CNTNAP2: variants seen among roughly 807,000 people sequenced by gnomAD.
CNTNAP2 encodes contactin associated protein 2.
Under a neutral mutation model 155.2 loss-of-function variants are expected in CNTNAP2, and 98 were observed. The ratio of observed to expected loss-of-function variants is 0.63; its 90% confidence interval spans 0.54 to 0.75. The LOEUF (loss-of-function observed/expected upper bound fraction) is 0.75, where lower values mean the gene tolerates loss of function less well. CNTNAP2 is among the 30% of genes least tolerant of loss of function. CNTNAP2 has a pLI of 0.00. For missense variants in CNTNAP2, 1,727 were observed against 1,688.1 expected (o/e 1.02, Z -0.40); for synonymous variants, 651 against 631.2 (o/e 1.03, Z -0.47).
chr7:146,165,803 T>C (rs1798303785), intron 1 of CNTNAP2, among the ~76,000 whole-genome samples: 1 of 152,296 alleles, frequency 6.6e-6, no homozygotes, highest in African/African-American at 2.4e-5. Context: ...AATATTTTCT[T>C]TTTGGACCTA....
chr7:146,503,314 A>G (rs1194446383), intron 1 of CNTNAP2, among the ~76,000 whole-genome samples: 3 of 152,212 alleles, frequency 2.0e-5, no homozygotes, highest in Admixed American at 6.5e-5. Flanking sequence ...TATGGGCCAC[A>G]TGCAGCTCAG....
intron 11 of CNTNAP2, among the ~76,000 whole-genome samples, chr7:147,486,889 C>CTGTGTGTGTGTGTGTGTGTGTGTGTGTG (rs10544219): frequency 6.8e-6 from 1 of 146,842 alleles, no homozygotes; most frequent in South Asian, 2.2e-4. Flanking sequence ...ACGTATGTGC[C>CTGTGTGTGTGTGTGTGTGTGTGTGTGTG]TGTGTGTGTG....
chr7:146,923,760 A>G (rs907058488), intron 3 of CNTNAP2, among the ~76,000 whole-genome samples: 3 of 152,134 alleles, frequency 2.0e-5, no homozygotes, highest in African/African-American at 7.2e-5. Context: ...CTCTAATTTG[A>G]TCAAGATCTC....
intron 13 of CNTNAP2, among the ~76,000 whole-genome samples, chr7:147,841,931 T>C (rs1047698517): frequency 6.6e-5 from 10 of 151,800 alleles, no homozygotes; most frequent in African/African-American, 2.2e-4. Context: ...TAAAATATGA[T>C]ACATTTAACA....
intron 12 of CNTNAP2, among the ~76,000 whole-genome samples, chr7:147,567,763 A>G (rs577377296): frequency 6.6e-6 from 1 of 152,312 alleles, no homozygotes; most frequent in South Asian, 2.1e-4. Context: ...TGCTACGCAA[A>G]GTCACTGTAG....
intron 11 of CNTNAP2, among the ~76,000 whole-genome samples, chr7:147,523,546 A>C (rs1362713123): frequency 6.6e-6 from 1 of 152,102 alleles, no homozygotes; most frequent in African/African-American, 2.4e-5. Context: ...CCTTGTCTGG[A>C]TAAGTTCTGT....
intron 4 of CNTNAP2, among the ~76,000 whole-genome samples, chr7:147,105,045 A>G (rs573428711): frequency 2.7e-5 from 4 of 150,924 alleles, no homozygotes; most frequent in Non-Finnish European, 5.9e-5. Flanking sequence ...TCTACTTTCT[A>G]TATTTCTGTA....
chr7:148,230,956 C>A (rs932300192), intron 20 of CNTNAP2, among the ~76,000 whole-genome samples: 1 of 152,148 alleles, frequency 6.6e-6, no homozygotes. Context: ...GGAGACAGAT[C>A]GTTTTACATC....
intron 3 of CNTNAP2, among the ~76,000 whole-genome samples, chr7:146,870,190 C>T (rs1372568172): frequency 6.7e-6 from 1 of 149,486 alleles, no homozygotes; most frequent in East Asian, 2.0e-4. Context: ...TGGAATTCGG[C>T]TGTGAATCTA....
At chr7:147,790,022 T>C (rs893171204) in intron 13 of CNTNAP2, among the ~76,000 whole-genome samples, 1 of 152,196 alleles carries the variant, frequency 6.6e-6, no homozygotes, top group Non-Finnish European at 1.5e-5. Flanking sequence ...TACTCCTTAA[T>C]AAACTCTTTT....
chr7:146,287,901 C>T (rs1019103101), intron 1 of CNTNAP2, among the ~76,000 whole-genome samples: 5 of 152,126 alleles, frequency 3.3e-5, no homozygotes, highest in African/African-American at 9.7e-5. Flanking sequence ...GTAAATGTTA[C>T]ATCTGCTTAA....
intron 9 of CNTNAP2, among the ~76,000 whole-genome samples, chr7:147,323,857 TCTC>T (rs1442715861): frequency 6.7e-5 from 10 of 150,264 alleles, no homozygotes; most frequent in African/African-American, 2.5e-4. Context: ...ATATTTCTGT[TCTC>T]CACAAACAGC....
At chr7:147,488,978 C>A (rs10230324) in intron 11 of CNTNAP2, among the ~76,000 whole-genome samples, 9,643 of 152,272 alleles carry the variant, frequency 0.063, 560 homozygotes, top group African/African-American at 0.15. Flanking sequence ...TCATCACTTT[C>A]AGAGCAATTG....
At chr7:147,555,866 G>A (rs1303878006) in intron 11 of CNTNAP2, among the ~76,000 whole-genome samples, 1 of 152,202 alleles carries the variant, frequency 6.6e-6, no homozygotes, top group Non-Finnish European at 1.5e-5. Context: ...TCTTCTCCTA[G>A]GGAATAGGGC....
intron 15 of CNTNAP2, among the ~76,000 whole-genome samples, chr7:148,068,995 AGGT>A (rs1259793078): frequency 6.6e-6 from 1 of 152,170 alleles, no homozygotes; most frequent in African/African-American, 2.4e-5. Context: ...GGAGCTCACC[AGGT>A]TCCTAAGTTT....
At chr7:146,177,089 C>T (rs1359986071) in intron 1 of CNTNAP2, among the ~76,000 whole-genome samples, 14 of 152,212 alleles carry the variant, frequency 9.2e-5, no homozygotes, top group Admixed American at 5.9e-4. Context: ...TTCTGCTCAA[C>T]ATGCATCATT....
At chr7:147,206,375 G>A (rs1342773768) in intron 8 of CNTNAP2, among the ~76,000 whole-genome samples, 1 of 151,726 alleles carries the variant, frequency 6.6e-6, no homozygotes, top group African/African-American at 2.4e-5. Flanking sequence ...GACCAGCCTG[G>A]GCAACATTGT....
At chr7:148,388,358 T>C (rs1799265592) in intron 22 of CNTNAP2, among the ~76,000 whole-genome samples, 1 of 141,574 alleles carries the variant, frequency 7.1e-6, no homozygotes, top group African/African-American at 2.6e-5. Context: ...TGTGTTCTCA[T>C]TGTTCAATTC....
chr7:148,403,506 A>G (rs1303067457), intron 22 of CNTNAP2, among the ~76,000 whole-genome samples: 2 of 152,176 alleles, frequency 1.3e-5, no homozygotes, highest in Admixed American at 6.5e-5. Context: ...TTAAATTAAC[A>G]CGCCAAATTT....
Sources: gnomAD v4.1 joint callset for allele counts (sites outside exome capture counted in the v4.1 genomes callset) on GRCh38, gnomAD v4.1.1 for gene constraint, MANE v1.5 for transcripts, NCBI Gene and HGNC (gene_info 2026-07-23, HGNC 2026-07-21) for gene names.